ANKAR: variants seen among roughly 807,000 people sequenced by gnomAD.
The protein encoded by ANKAR is ankyrin and armadillo repeat containing.
A neutral mutation model predicts 146.2 loss-of-function variants in ANKAR; 136 were observed. That is an observed-to-expected ratio of 0.93 (90% CI 0.81 to 1.07). The LOEUF (loss-of-function observed/expected upper bound fraction) is 1.07, where lower values mean the gene tolerates loss of function less well. Among genes scored for constraint, ANKAR ranks in the 50% least tolerant of loss-of-function variants. The pLI is 0.00. For synonymous variants in ANKAR, 500 were observed against 575.8 expected, an observed-to-expected ratio of 0.87 and a Z score of 1.88; for missense variants, 1,567 against 1,679.9, an observed-to-expected ratio of 0.93 and a Z score of 1.18.
intron 9 of ANKAR, among the ~76,000 whole-genome samples, chr2:189,707,568 T>G (rs1226772334): frequency 6.6e-6 from 1 of 150,620 alleles, no homozygotes; most frequent in East Asian, 1.9e-4. Context: ...TTTTGTTATA[T>G]TTTGATGAAT....
intron 18 of ANKAR, among the ~76,000 whole-genome samples, chr2:189,757,689 A>AC (rs753514243): frequency 1.3e-5 from 2 of 152,202 alleles, no homozygotes; most frequent in Non-Finnish European, 2.9e-5. Flanking sequence ...CTACACTCTA[A>AC]CCCACTTATA....
At chr2:189,685,088 C>T (rs2035350514) in intron 2 of ANKAR, among the ~76,000 whole-genome samples, 1 of 151,958 alleles carries the variant, frequency 6.6e-6, no homozygotes, top group South Asian at 2.1e-4. Context: ...TCATTGCAGC[C>T]TCAGACTCCT....
intron 5 of ANKAR, 84 bp downstream of exon 5, chr2:189,693,261 G>A: frequency 1.2e-6 from 1 of 858,320 alleles, no homozygotes; most frequent in East Asian, 2.6e-5. Context: ...AAATGCAAAG[G>A]TTAATGTAAA....
At chr2:189,699,334 C>T (rs2037725277) in intron 7 of ANKAR, among the ~76,000 whole-genome samples, 1 of 152,168 alleles carries the variant, frequency 6.6e-6, no homozygotes, top group South Asian at 2.1e-4. Flanking sequence ...TATCAGCTTC[C>T]TTCTCCTTTT....
At chr2:189,760,211 C>A (rs1362914585) in intron 18 of ANKAR, among the ~76,000 whole-genome samples, 4 of 152,344 alleles carry the variant, frequency 2.6e-5, no homozygotes, top group African/African-American at 9.6e-5. Flanking sequence ...CCACATTTCC[C>A]CCTTTTCTAT....
chr2:189,675,941 C>G (rs2033569300), intron 1 of ANKAR: 1 of 154,988 alleles, frequency 6.5e-6, no homozygotes, highest in African/African-American at 2.4e-5. Context: ...TACCATGTGA[C>G]ACACTGGCTC....
At position 189,692,203 on chromosome 2, in the gene ANKAR, G is replaced by T; in HGVS notation, c.1040-52G>T. 3 of 1,432,368 alleles carry T rather than the reference G, an allele frequency of 2.1e-6. No homozygotes were observed. In the South Asian group the frequency reaches 4.1e-5, roughly 20 times the overall value. 88.7% of individuals were successfully genotyped at this position (1,432,368 alleles called of 1,614,324 possible). On this transcript the variant is annotated intron_variant, in intron 3 of 22. Transcript: ENST00000684021. The stretch of plus-strand genomic sequence containing the variant: ...TGAGAAGCTAGATCTCTTAAAATAT[G>T]ACTTTATGTGCTGTTCACTTTTTAA...
Position 189,676,520 on chromosome 2 carries a change from T to G in ANKAR, c.30T>G (p.Pro10=). The G allele has an allele frequency of 6.4e-7, 1 of 1,568,550 alleles. No individual in the cohort carries two copies. Among genetic ancestry groups the G allele is most frequent in the Non-Finnish European group, 8.6e-7 (1 of 1,161,240 alleles). Residue 10 remains proline (P), a synonymous_variant, in exon 2 of 23, where the codon CCT becomes CCG. Transcript: ENST00000684021. The part of the protein sequence containing the change: MLRLPKKGL[P]RFEQVQDEDT... ...TAAGATTGCCCAAAAAAGGATTACC[T>G]AGATTTGAGCAAGTTCAGGATGAAG...
At chr2:189,690,054 G>A (rs1271379469) in intron 3 of ANKAR, 90 bp downstream of exon 3, 1 of 868,830 alleles carries the variant, frequency 1.2e-6, no homozygotes. Context: ...TATGGGTGCA[G>A]GCAGTAACCT....
rs1299893062 is a variant in ANKAR at position 189,730,513 on chromosome 2, A to G, written c.3212A>G (p.Asn1071Ser). The G allele has an allele frequency of 1.2e-6, 2 of 1,601,730 alleles. No homozygotes were observed. The highest frequency in any genetic ancestry group is 4.5e-5 in the East Asian group (2 of 44,246). Residue 1071 changes from asparagine to serine, a missense_variant, in exon 16 of 23, where the codon AAT (asparagine) becomes AGT (serine). Transcript: ENST00000684021. ...SICIGVAHTS[N>S]PVSQQLVVDE... ...CTTACAGGTGTAGCCCATACAAGCA[A>G]TCCTGTCAGTCAACAATTGGTTGTA...
chr2:189,750,421 A>G (rs905763932), downstream of ANKAR: 1 of 501,220 alleles, frequency 2.0e-6, no homozygotes, highest in Admixed American at 4.0e-5. Flanking sequence ...ACATTATAGT[A>G]TCTCAGAAGA....
chr2:189,748,956 A>G (rs1574828216), downstream of ANKAR, among the ~76,000 whole-genome samples: 1 of 152,256 alleles, frequency 6.6e-6, no homozygotes, highest in South Asian at 2.1e-4. Context: ...TATAAAGATT[A>G]TTTTTATTGG....
At chr2:189,692,526 G>T in intron 4 of ANKAR, 108 bp downstream of exon 4, 1 of 936,026 alleles carries the variant, frequency 1.1e-6, no homozygotes, top group Non-Finnish European at 1.6e-6. Context: ...CTCTCCAAAT[G>T]ATTATTCTCA....
At position 189,743,327 on chromosome 2, in the gene ANKAR, C is replaced by A. The variant is rs149628527; in HGVS notation, c.3863C>A (p.Ala1288Asp). The A allele has an allele frequency of 1.2e-6, 2 of 1,614,030 alleles. No individual in the cohort carries two copies. The highest frequency in any genetic ancestry group is 1.3e-5 in the African/African-American group (1 of 75,038). ...GGCTACTTAACATACAATGCAAATG[C>A]TTTCCGCATCCTATTAAAAGAATGC... ...ALGYLTYNAN[A>D]FRILLKECRN... is the part of the protein sequence containing the mutation. Residue 1288 changes from alanine to aspartate, a missense_variant, in exon 21 of 23, where the codon GCT (alanine) becomes GAT (aspartate). Coordinates refer to ENST00000684021, the MANE Select transcript of ANKAR (RefSeq NM_001378068.1).
chr2:189,720,338 C>T (rs927425949), intron 11 of ANKAR, among the ~76,000 whole-genome samples: 2 of 151,924 alleles, frequency 1.3e-5, no homozygotes, highest in Admixed American at 1.3e-4. Flanking sequence ...ACCTCTGCCT[C>T]GTGGGTTCAA....
At chr2:189,753,185 A>G in intron 18 of ANKAR, 1 of 331,514 alleles carries the variant, frequency 3.0e-6, no homozygotes, top group Non-Finnish European at 5.5e-6. Context: ...CATTACTAGC[A>G]TTTTTGTATA....
In ANKAR at chr2:189,719,785, G is replaced by A; in HGVS notation, c.2438G>A (p.Cys813Tyr). The stretch of plus-strand genomic sequence containing the variant: ...GTCATTCTATATGATATTGCTCAAT[G>A]TGAAAACAAGGATGTTATTGCCAAA... The part of the protein sequence containing the change: ...CAVILYDIAQ[C>Y]ENKDVIAKYN... The change falls in exon 11 of 23, where the codon TGT becomes TAT. Residue 813 changes from cysteine (C) to tyrosine (Y), a missense_variant. Transcript: ENST00000684021. 6.3e-7 allele frequency: 1 copy of A among 1,586,512 alleles called. No individual in the cohort carries two copies. Among genetic ancestry groups the A allele is most frequent in the Non-Finnish European group, 8.6e-7 (1 of 1,158,832 alleles).
intron 17 of ANKAR, among the ~76,000 whole-genome samples, chr2:189,734,174 C>T (rs1381734861): frequency 6.6e-6 from 1 of 152,088 alleles, no homozygotes; most frequent in Non-Finnish European, 1.5e-5. Context: ...TTTGATTACT[C>T]GGTTAAAATG....
Position 189,744,752 on chromosome 2 carries a change from A to G in ANKAR, c.4021A>G (p.Asn1341Asp). 2 of 1,595,052 alleles carry G rather than the reference A, an allele frequency of 1.3e-6. No individual in the cohort carries two copies. Among genetic ancestry groups the G allele is most frequent in the Non-Finnish European group, 1.7e-6 (2 of 1,165,784 alleles). ...VGLPSLSLEK[N>D]GGPSIIPIFK... ...ATGTTTTCCTTTTAGTCTGGAGAAGAATGGAGGACCATCCATAATTCCTAT... is the reference window on the plus strand; with the variant it reads ...ATGTTTTCCTTTTAGTCTGGAGAAGGATGGAGGACCATCCATAATTCCTAT... The change falls in exon 22 of 23, where the codon AAT becomes GAT. Residue 1341 changes from asparagine to aspartate, a missense_variant. Transcript: ENST00000684021.
Sources: gnomAD v4.1 joint callset for allele counts (sites outside exome capture counted in the v4.1 genomes callset) on GRCh38, gnomAD v4.1.1 for gene constraint, MANE v1.5 for transcripts, NCBI Gene and HGNC (gene_info 2026-07-23, HGNC 2026-07-21) for gene names.